The following POLR3K variants were observed in gnomAD, a reference collection of about 807,000 sequenced individuals.
POLR3K encodes DNA-directed RNA polymerase III subunit RPC10.
POLR3K carries 11 observed loss-of-function variants against 13.5 expected under a neutral mutation model. The observed-to-expected ratio is 0.81, with a 90% CI of 0.51 to 1.35. POLR3K has a LOEUF of 1.35. POLR3K is among the 40% of genes most tolerant of loss of function. The pLI is 0.00. For missense variants in POLR3K, 144 were observed against 145.3 expected, an observed-to-expected ratio of 0.99 and a Z score of 0.05; for synonymous variants, 56 against 51.5, an observed-to-expected ratio of 1.09 and a Z score of -0.38.
At chr16:52,446 CAAAAAAAAAAAAAAAAAAAAAAAAAA>C (rs767411954) in intron 1 of POLR3K, among the ~76,000 whole-genome samples, 14 of 74,176 alleles carry the variant, frequency 1.9e-4, no homozygotes, top group Admixed American at 4.7e-4. Flanking sequence ...GACTCTGTCT[CAAAAAAAAAAAAAAAAAAAAAAAAAA>C]AAAAAAAAAA....
chr16:51,593 C>A lies in POLR3K; in HGVS notation c.164G>T (p.Gly55Val), dbSNP rs200433242. 2 of 1,614,158 alleles carry A rather than the reference C, an allele frequency of 1.2e-6. No individual in the cohort carries two copies. The highest frequency in any genetic ancestry group is 4.5e-5 in the East Asian group (2 of 44,890). The change falls in exon 2 of 3, where the codon GGA becomes GTA. Residue 55 changes from glycine (G) to valine (V), a missense_variant. Physicochemically the swap from Gly to Val is moderately radical, Grantham distance 109 (BLOSUM62 -3). Transcript: ENST00000293860. ...GTCAACATTCTCCCAGGCAGCTGCTCCACCAAGCACATCATCCACTTCTTT... is the reference window on the plus strand; with the variant it reads ...GTCAACATTCTCCCAGGCAGCTGCTACACCAAGCACATCATCCACTTCTTT... ...KLKEVDDVLG[G>V]AAAWENVDST...
chr16:53,506 C>G lies in POLR3K; in HGVS notation c.81G>C (p.Thr27=), dbSNP rs762871436. The G allele has an allele frequency of 1.2e-6, 2 of 1,612,744 alleles. No individual in the cohort carries two copies. Among genetic ancestry groups the G allele is most frequent in the South Asian group, 1.1e-5 (1 of 91,034 alleles). The part of the protein sequence containing the change: ...GQRCHRFACN[T]CPYVHNITRK... The stretch of plus-strand genomic sequence containing the variant: ...GGGTGATGTTGTGCACGTAGGGGCA[C>G]GTGTTGCAGGCGAAGCGGTGGCAGC... Residue 27 remains threonine (T), a synonymous_variant, in exon 1 of 3, where the codon ACG becomes ACC. Coordinates refer to ENST00000293860, the MANE Select transcript of POLR3K (RefSeq NM_016310.5).
chr16:48,391 CG>C (rs1897302220), intron 2 of POLR3K, among the ~76,000 whole-genome samples: 1 of 152,120 alleles, frequency 6.6e-6, no homozygotes. Context: ...TGGTTGGAAA[CG>C]TAACATGGAA....
In POLR3K at chr16:47,279, A is replaced by C; in HGVS notation, c.*151T>G. On this transcript the variant is annotated 3_prime_UTR_variant, in exon 3 of 3. Coordinates refer to ENST00000293860, the MANE Select transcript of POLR3K (RefSeq NM_016310.5). ...CCACCCTGCCTGGCAGATAGGCCATATTTCCTGACCCCCTGGCTCTTCACC... is the reference window on the plus strand; with the variant it reads ...CCACCCTGCCTGGCAGATAGGCCATCTTTCCTGACCCCCTGGCTCTTCACC... 3 of 1,023,876 alleles carry C rather than the reference A, an allele frequency of 2.9e-6. No individual in the cohort carries two copies. Among genetic ancestry groups the C allele is most frequent in the South Asian group, 3.8e-5 (2 of 52,840 alleles). 63.4% of individuals were successfully genotyped at this position (1,023,876 alleles called of 1,614,324 possible). A position where few individuals can be genotyped will look rare whatever the true frequency, so the allele number is the denominator to read the frequency against.
At chr16:53,447 C>A (rs756259540) in intron 1 of POLR3K, 29 bp downstream of exon 1, 7 of 1,429,624 alleles carry the variant, frequency 4.9e-6, no homozygotes, top group Non-Finnish European at 5.5e-6. Context: ...GAGAGTCGCC[C>A]GCGCCCAGCG....
rs749904691 is a variant in POLR3K at position 47,547 on chromosome 16, G to C, written c.210C>G (p.Pro70=). The change falls in exon 3 of 3, where the codon CCC becomes CCG. Residue 70 remains proline (P), a synonymous_variant. Coordinates refer to ENST00000293860, the MANE Select transcript of POLR3K (RefSeq NM_016310.5). Reference sequence around the variant, plus strand: ...AGTAAGCACGAGGATGTTCGCATTTGGGACACGACTCTGGCAATGAGAAAA... The same window carrying C: ...AGTAAGCACGAGGATGTTCGCATTTCGGACACGACTCTGGCAATGAGAAAA... ...ENVDSTAESC[P]KCEHPRAYFM... The C allele has an allele frequency of 1.9e-6, 3 of 1,612,718 alleles. No homozygotes were observed. The highest frequency in any genetic ancestry group is 2.5e-6 in the Non-Finnish European group (3 of 1,179,152).
At chr16:51,442 T>A in intron 2 of POLR3K, 116 bp downstream of exon 2, 1 of 769,770 alleles carries the variant, frequency 1.3e-6, no homozygotes, top group Non-Finnish European at 2.1e-6. Context: ...CAAGAACCAT[T>A]TTCTATTTTT....
intron 2 of POLR3K, among the ~76,000 whole-genome samples, chr16:50,882 T>A (rs1169417193): frequency 6.6e-6 from 1 of 152,156 alleles, no homozygotes; most frequent in East Asian, 1.9e-4. Context: ...TCAGGAAACC[T>A]ACAATCATGG....
chr16:47,849 CAAAAAAAAA>C (rs750499325), intron 2 of POLR3K, among the ~76,000 whole-genome samples: 1,369 of 35,182 alleles, frequency 0.039, 19 homozygotes, highest in Non-Finnish European at 0.058. Context: ...CCACTGCACT[CAAAAAAAAA>C]AAAAAAAAAA....
chr16:53,386 C>T, intron 1 of POLR3K, 90 bp downstream of exon 1: 3 of 1,488,266 alleles, frequency 2.0e-6, no homozygotes, highest in Non-Finnish European at 1.8e-6. Flanking sequence ...CAGAGGCAGA[C>T]GCCGGGGCTG....
At chr16:50,482 T>C (rs1897322196) in intron 2 of POLR3K, among the ~76,000 whole-genome samples, 2 of 152,246 alleles carry the variant, frequency 1.3e-5, no homozygotes, top group South Asian at 4.1e-4. Context: ...GTTCTCACAC[T>C]GCTATGAATA....
chr16:52,513 T>A, intron 1 of POLR3K, among the ~76,000 whole-genome samples: 1 of 134,808 alleles, frequency 7.4e-6, no homozygotes, highest in African/African-American at 2.8e-5. Context: ...CTCACGCCTG[T>A]AATCCCAGCA....
At chr16:53,104 G>A (rs1210344165) in intron 1 of POLR3K, 4 of 220,364 alleles carry the variant, frequency 1.8e-5, no homozygotes, top group East Asian at 1.1e-4. Flanking sequence ...CGCAGGGGAG[G>A]GAGTCAGTGT....
Position 53,566 on chromosome 16 carries a change from G to A in POLR3K, c.21C>T (p.Gly7=), listed in dbSNP as rs747292169. Residue 7 remains glycine (G), a synonymous_variant, in exon 1 of 3, where the codon GGC becomes GGT. Transcript: ENST00000293860. Reference sequence around the variant, plus strand: ...CCTCCACGATCAGCCCGTTCCCGCAGCCGGGGCAGAACAGCAGCATGGTCT... The same window carrying A: ...CCTCCACGATCAGCCCGTTCCCGCAACCGGGGCAGAACAGCAGCATGGTCT... MLLFCP[G]CGNGLIVEEG... 1 of 1,613,158 alleles carries A rather than the reference G, an allele frequency of 6.2e-7. No individual in the cohort carries two copies. Among genetic ancestry groups the A allele is most frequent in the Non-Finnish European group, 8.5e-7 (1 of 1,179,700 alleles).
chr16:53,142 C>G (rs1384645530), intron 1 of POLR3K: 1 of 281,290 alleles, frequency 3.6e-6, no homozygotes, highest in Non-Finnish European at 6.6e-6. Flanking sequence ...TGGGAGAACT[C>G]CGGCTTTTCG....
chr16:50,949 C>A (rs547798973), intron 2 of POLR3K, among the ~76,000 whole-genome samples: 1 of 152,136 alleles, frequency 6.6e-6, no homozygotes, highest in African/African-American at 2.4e-5. Context: ...GCAGGGGAAA[C>A]GCAAACGCTT....
Position 47,544 on chromosome 16 carries a change from T to C in POLR3K, c.213A>G (p.Lys71=). Residue 71 remains lysine (K), a synonymous_variant, in exon 3 of 3, where the codon AAA becomes AAG. Coordinates refer to ENST00000293860, the MANE Select transcript of POLR3K (RefSeq NM_016310.5). Reference sequence around the variant, plus strand: ...TGAAGTAAGCACGAGGATGTTCGCATTTGGGACACGACTCTGGCAATGAGA... The same window carrying C: ...TGAAGTAAGCACGAGGATGTTCGCACTTGGGACACGACTCTGGCAATGAGA... The part of the protein sequence containing the change: ...NVDSTAESCP[K]CEHPRAYFMQ... 1 of 1,612,746 alleles carries C rather than the reference T, an allele frequency of 6.2e-7. No individual in the cohort carries two copies. The highest frequency in any genetic ancestry group is 8.5e-7 in the Non-Finnish European group (1 of 1,179,202).
At chr16:52,304 G>A (rs1371780034) in intron 1 of POLR3K, among the ~76,000 whole-genome samples, 2 of 151,768 alleles carry the variant, frequency 1.3e-5, no homozygotes, top group East Asian at 1.9e-4. Context: ...AAAATTAGCC[G>A]GGGATGGTGG....
rs754410701 is a variant in POLR3K at position 51,674 on chromosome 16, GTAACTGAATAGC to G, written c.112-41_112-30del. 11 of 1,578,620 alleles carry G rather than the reference GTAACTGAATAGC, an allele frequency of 7.0e-6. No homozygotes were observed. In the African/African-American group the frequency reaches 1.5e-4, roughly 21 times the overall value. On this transcript the variant is annotated intron_variant, in intron 1 of 2. Transcript: ENST00000293860. ...ACAAAAACAACACTTCAGACTCCAA[GTAACTGAATAGC>G]GCAAACCTGGGCTGCCAAACCTTAA...
Sources: allele counts gnomAD v4.1 joint callset (sites outside exome capture counted in the v4.1 genomes callset), GRCh38; gene constraint gnomAD v4.1.1; transcripts MANE v1.5; gene names NCBI Gene and HGNC (gene_info 2026-07-23, HGNC 2026-07-21).